PRKG1: variants seen among roughly 807,000 people sequenced by gnomAD.
PRKG1 encodes protein kinase cGMP-dependent 1, also known as cGMP-dependent protein kinase 1.
Under a neutral mutation model 88.1 loss-of-function variants are expected in PRKG1, and 35 were observed. That is an observed-to-expected ratio of 0.40 (90% CI 0.30 to 0.53). The LOEUF is 0.53. Ranked by LOEUF, PRKG1 falls within the 20% of genes least tolerant of loss-of-function variation. The probability of loss-of-function intolerance (pLI) is 0.59; values close to 1 mark genes in which losing one functional copy is unlikely to be tolerated. For synonymous variants in PRKG1, 303 were observed against 292.5 expected (o/e 1.04, Z -0.37); for missense variants, 540 against 839.8 (o/e 0.64, Z 4.41).
intron 1 of PRKG1, among the ~76,000 whole-genome samples, chr10:51,019,607 C>T (rs886419144): frequency 6.6e-6 from 1 of 151,204 alleles, no homozygotes; most frequent in Non-Finnish European, 1.5e-5. Context: ...TTGAGGATGA[C>T]ACAAAATAGG....
rs1316362949 is a variant in PRKG1, at chr10:50,991,221, C to A, written c.-158C>A. On this transcript the variant is annotated 5_prime_UTR_variant, in exon 1 of 18. Transcript: ENST00000401604. The surrounding 1 kb of genome is among the most constrained non-coding windows in gnomAD (Gnocchi z 4.5). The stretch of plus-strand genomic sequence containing the variant: ...GCGGATCGAAGCAGGAGGCTCCCCG[C>A]GCCGCATTAGGGGCGCACTCCGCCG... The A allele has an allele frequency of 9.2e-7, 1 of 1,081,774 alleles. No individual in the cohort carries two copies. Among genetic ancestry groups the A allele is most frequent in the African/African-American group, 1.7e-5 (1 of 57,686 alleles). 67.0% of individuals were successfully genotyped at this position (1,081,774 alleles called of 1,614,324 possible). A position where few individuals can be genotyped will look rare whatever the true frequency, so the allele number is the denominator to read the frequency against.
intron 5 of PRKG1, among the ~76,000 whole-genome samples, chr10:52,029,555 T>A (rs1181074560): frequency 1.3e-5 from 2 of 152,208 alleles, no homozygotes; most frequent in East Asian, 3.8e-4. Flanking sequence ...AAAGTCGATA[T>A]ACTTTACTGG....
intron 5 of PRKG1, among the ~76,000 whole-genome samples, chr10:51,914,102 C>G (rs1457041847): frequency 6.6e-6 from 1 of 152,008 alleles, no homozygotes; most frequent in Non-Finnish European, 1.5e-5. Context: ...AGATAAGTCT[C>G]TATACATGAA....
At chr10:51,819,084 A>C (rs554023613) in intron 4 of PRKG1, among the ~76,000 whole-genome samples, 3 of 144,876 alleles carry the variant, frequency 2.1e-5, no homozygotes, top group South Asian at 4.7e-4. Context: ...AAAGAGGTTT[A>C]TTTGACTCAT....
intron 1 of PRKG1, among the ~76,000 whole-genome samples, chr10:51,017,227 C>A (rs948302684): frequency 1.3e-5 from 2 of 152,032 alleles, no homozygotes; most frequent in Non-Finnish European, 2.9e-5. Context: ...TTTATTTATC[C>A]ATCATCCAAA....
At chr10:51,431,625 G>A (rs1260600558) in intron 2 of PRKG1, among the ~76,000 whole-genome samples, 2 of 152,120 alleles carry the variant, frequency 1.3e-5, no homozygotes, top group Admixed American at 6.6e-5. Flanking sequence ...TAATTGGACA[G>A]CTCTGAGAGG....
chr10:51,840,190 C>G (rs1337467499), intron 4 of PRKG1, among the ~76,000 whole-genome samples: 1 of 152,100 alleles, frequency 6.6e-6, no homozygotes, highest in East Asian at 1.9e-4. Flanking sequence ...AATGAGAAGC[C>G]TGCACACTGC....
At chr10:52,075,765 C>T (rs1438082733) in intron 7 of PRKG1, among the ~76,000 whole-genome samples, 1 of 152,182 alleles carries the variant, frequency 6.6e-6, no homozygotes, top group East Asian at 1.9e-4. Flanking sequence ...CCCTGGCTTG[C>T]AGACACCCTT....
chr10:51,484,278 C>T (rs933594817), intron 3 of PRKG1, among the ~76,000 whole-genome samples: 5 of 152,086 alleles, frequency 3.3e-5, no homozygotes, highest in Admixed American at 1.3e-4. Context: ...GCAGTTTCCG[C>T]GTAATAAAAG....
chr10:51,198,430 GAAAT>G (rs1366193652), intron 2 of PRKG1, among the ~76,000 whole-genome samples: 1 of 152,114 alleles, frequency 6.6e-6, no homozygotes, highest in African/African-American at 2.4e-5. Flanking sequence ...AATATCCAAT[GAAAT>G]TCACAGTCGG....
intron 3 of PRKG1, among the ~76,000 whole-genome samples, chr10:51,475,844 A>G (rs1188866418): frequency 6.6e-6 from 1 of 152,038 alleles, no homozygotes; most frequent in East Asian, 1.9e-4. Context: ...GTTGGTAGAA[A>G]AACAGAACAA....
At chr10:52,033,826 G>A (rs967310474) in intron 5 of PRKG1, among the ~76,000 whole-genome samples, 4 of 152,056 alleles carry the variant, frequency 2.6e-5, no homozygotes, top group African/African-American at 9.7e-5. Flanking sequence ...TATTTCACCC[G>A]GGTGCAGGCG....
At chr10:51,257,009 T>G (rs936995068) in intron 2 of PRKG1, among the ~76,000 whole-genome samples, 2 of 151,812 alleles carry the variant, frequency 1.3e-5, no homozygotes, top group African/African-American at 4.8e-5. Flanking sequence ...TTAAAAAAAT[T>G]CACATGAAGA....
intron 5 of PRKG1, among the ~76,000 whole-genome samples, chr10:51,998,052 G>A (rs1844497451): frequency 6.6e-6 from 1 of 152,132 alleles, no homozygotes; most frequent in Non-Finnish European, 1.5e-5. Context: ...ACTCTATCAT[G>A]TAAGGAATGT....
chr10:51,044,314 G>A (rs190398876), intron 1 of PRKG1, among the ~76,000 whole-genome samples: 23 of 152,230 alleles, frequency 1.5e-4, no homozygotes, highest in Non-Finnish European at 2.9e-5. Context: ...TGAAGACCTT[G>A]CTTTCACGGA....
At chr10:51,570,545 A>G (rs1387328519) in intron 3 of PRKG1, among the ~76,000 whole-genome samples, 2 of 151,896 alleles carry the variant, frequency 1.3e-5, no homozygotes, top group Non-Finnish European at 2.9e-5. Flanking sequence ...TGAATAAATG[A>G]AACTGTACAG....
At chr10:51,698,884 G>A in intron 3 of PRKG1, 7 of 1,613,958 alleles carry the variant, frequency 4.3e-6, no homozygotes, top group Non-Finnish European at 5.1e-6. Context: ...TAGGTCCTGG[G>A]CAGAGCCCAG....
upstream of PRKG1, among the ~76,000 whole-genome samples, chr10:51,072,052 C>G (rs569871791): frequency 6.6e-6 from 1 of 151,868 alleles, no homozygotes; most frequent in Non-Finnish European, 1.5e-5. Context: ...AAAAACTAGC[C>G]GGCGTGGTGG....
At chr10:51,571,545 T>C (rs7895887) in intron 3 of PRKG1, among the ~76,000 whole-genome samples, 11,295 of 151,576 alleles carry the variant, frequency 0.075, 1,398 homozygotes, top group African/African-American at 0.26. Flanking sequence ...CATGAGGGGG[T>C]GAGGCAGTCC....
Sources: allele counts gnomAD v4.1 joint callset (sites outside exome capture counted in the v4.1 genomes callset), GRCh38; gene constraint gnomAD v4.1.1; non-coding constraint Gnocchi (gnomAD v3.1); transcripts MANE v1.5; gene names NCBI Gene and HGNC (gene_info 2026-07-23, HGNC 2026-07-21).